TPD52L1: variants seen among roughly 807,000 people sequenced by gnomAD.
TPD52L1 encodes tumor protein D53.
A neutral mutation model predicts 28.7 loss-of-function variants in TPD52L1; 18 were observed. That is an observed-to-expected ratio of 0.63 (90% confidence interval 0.43 to 0.93). The LOEUF is 0.93. Ranked by LOEUF, TPD52L1 falls within the 40% of genes least tolerant of loss-of-function variation. TPD52L1 has a pLI of 0.00. For synonymous variants in TPD52L1, 75 were observed against 88.8 expected, an observed-to-expected ratio of 0.84 and a Z score of 0.88; for missense variants, 203 against 254.8, an observed-to-expected ratio of 0.80 and a Z score of 1.39.
chr6:125,251,220 C>A (rs892910036), intron 4 of TPD52L1, among the ~76,000 whole-genome samples: 1 of 152,076 alleles, frequency 6.6e-6, no homozygotes, highest in Non-Finnish European at 1.5e-5. Flanking sequence ...TGGTCACAGA[C>A]CTTTTATTTT....
At chr6:125,182,825 G>A (rs3778461) in intron 1 of TPD52L1, among the ~76,000 whole-genome samples, 5,718 of 152,266 alleles carry the variant, frequency 0.038, 358 homozygotes, top group East Asian at 0.33. Flanking sequence ...CAGAGGCCCA[G>A]GGAACTTAAG....
intron 1 of TPD52L1, among the ~76,000 whole-genome samples, chr6:125,181,230 G>A (rs1333455057): frequency 6.6e-6 from 1 of 152,052 alleles, no homozygotes; most frequent in Non-Finnish European, 1.5e-5. Flanking sequence ...TAAATGATTA[G>A]CATAAAGAAC....
intron 1 of TPD52L1, among the ~76,000 whole-genome samples, chr6:125,204,961 T>C (rs1794024055): frequency 6.6e-6 from 1 of 152,180 alleles, no homozygotes; most frequent in Non-Finnish European, 1.5e-5. Context: ...AAATACAGCA[T>C]AGTAAGTGCT....
At chr6:125,245,874 G>A (rs768988326) in intron 3 of TPD52L1, among the ~76,000 whole-genome samples, 7 of 152,156 alleles carry the variant, frequency 4.6e-5, no homozygotes, top group Admixed American at 1.3e-4. Context: ...TTCAGGCCTC[G>A]CCCCTACCTG....
chr6:125,172,278 CTTCCTTCT>C (rs1177768501), intron 1 of TPD52L1, among the ~76,000 whole-genome samples: 1 of 133,294 alleles, frequency 7.5e-6, no homozygotes, highest in East Asian at 2.2e-4. Flanking sequence ...TCCATCCATC[CTTCCTTCT>C]TTCTTTCTTT....
At chr6:125,262,517 G>C (rs949668260) in intron 6 of TPD52L1, 5 of 209,598 alleles carry the variant, frequency 2.4e-5, no homozygotes, top group Admixed American at 1.6e-4. Context: ...CAGTTCTCTG[G>C]GTGAGTGGAG....
intron 4 of TPD52L1, among the ~76,000 whole-genome samples, chr6:125,251,566 C>T (rs555241175): frequency 2.4e-4 from 36 of 152,100 alleles, no homozygotes; most frequent in Non-Finnish European, 4.7e-4. Flanking sequence ...TGGAATTGCC[C>T]ACTCTCTTTC....
intron 3 of TPD52L1, among the ~76,000 whole-genome samples, chr6:125,243,812 C>A (rs2115025061): frequency 6.6e-6 from 1 of 151,242 alleles, no homozygotes; most frequent in African/African-American, 2.4e-5. Flanking sequence ...GAGATTTCGT[C>A]TTGGTTTGGA....
At chr6:125,239,885 C>T (rs1582996158) in intron 3 of TPD52L1, among the ~76,000 whole-genome samples, 1 of 152,238 alleles carries the variant, frequency 6.6e-6, no homozygotes. Flanking sequence ...TGTTCTTGGT[C>T]ATGAACTCTT....
Position 125,239,434 on chromosome 6 carries a change from C to T in TPD52L1, c.285-8848C>T, listed in dbSNP as rs556832863. Reference sequence around the variant, plus strand: ...GGCAGAAGGTGGAAGGCACATCTTACATGGCAGCAGGAAAGAGAGAATGAG... The same window carrying T: ...GGCAGAAGGTGGAAGGCACATCTTATATGGCAGCAGGAAAGAGAGAATGAG... On this transcript the variant is annotated intron_variant, in intron 3 of 6. Transcript: ENST00000534000. Among the ~76,000 whole-genome samples the T allele has an allele frequency of 3.5e-4, 53 of 152,308 alleles. No homozygotes were observed. In the South Asian group the frequency reaches 0.011, roughly 30 times the overall value.
intron 3 of TPD52L1, among the ~76,000 whole-genome samples, chr6:125,243,686 T>A (rs1796754601): frequency 6.6e-6 from 1 of 152,096 alleles, no homozygotes; most frequent in Non-Finnish European, 1.5e-5. Context: ...TCTGGAAAAT[T>A]TTTTATTGAT....
chr6:125,213,587 G>A (rs1794659613), intron 1 of TPD52L1, among the ~76,000 whole-genome samples: 1 of 152,124 alleles, frequency 6.6e-6, no homozygotes, highest in Admixed American at 6.5e-5. Flanking sequence ...AGCCCCTGAT[G>A]CAGGAGCACC....
intron 1 of TPD52L1, among the ~76,000 whole-genome samples, chr6:125,165,113 A>G (rs899108594): frequency 1.6e-5 from 1 of 63,892 alleles, no homozygotes; most frequent in Non-Finnish European, 2.7e-5. Context: ...AACTGTATAT[A>G]TATAGTTTTG....
In TPD52L1 at chr6:125,259,608, A is replaced by G. The variant is rs568021764; in HGVS notation, c.486+2450A>G. On this transcript the variant is annotated intron_variant, in intron 6 of 6. Transcript: ENST00000534000. ...TGCCATCTCCCAATGAGTCATGAGT[A>G]ACTACATCTCTTCCAACCATTTTGC... Among the ~76,000 whole-genome samples the G allele has an allele frequency of 7.2e-5, 11 of 152,332 alleles. No individual in the cohort carries two copies. The South Asian group carries it at 8.3e-4, about 11-fold the overall frequency.
chr6:125,261,028 GAAA>G (rs1562412326), intron 6 of TPD52L1: 1 of 108,646 alleles, frequency 9.2e-6, no homozygotes. Flanking sequence ...GAAAAGAAAA[GAAA>G]GAAAGAAAGA....
intron 5 of TPD52L1, among the ~76,000 whole-genome samples, chr6:125,255,374 A>G (rs1416089603): frequency 6.6e-6 from 1 of 152,254 alleles, no homozygotes; most frequent in Admixed American, 6.5e-5. Flanking sequence ...TGAAGTGCCA[A>G]TAACTATATA....
At position 125,223,463 on chromosome 6, in the gene TPD52L1, C is replaced by T. The variant is rs563981550; in HGVS notation, c.135+3270C>T. Among the ~76,000 whole-genome samples, 217 of 152,238 alleles carry T rather than the reference C, an allele frequency of 1.4e-3. 1 individual carries two copies. The highest frequency in any genetic ancestry group is 5.1e-3 in the African/African-American group (210 of 41,562). On this transcript the variant is annotated intron_variant, in intron 2 of 6. Transcript: ENST00000534000. ...GTGGCTCACGCCTGTAATCCCAGCACTTTGGGAGGCCGAGGTGGGGGGATC... is the reference window on the plus strand; with the variant it reads ...GTGGCTCACGCCTGTAATCCCAGCATTTTGGGAGGCCGAGGTGGGGGGATC...
chr6:125,159,617 C>T (rs1281539854), intron 1 of TPD52L1, among the ~76,000 whole-genome samples: 1 of 152,120 alleles, frequency 6.6e-6, no homozygotes, highest in Non-Finnish European at 1.5e-5. Context: ...ATGGTGAATC[C>T]TTTCCAGAAT....
At chr6:125,181,766 C>T (rs1049317572) in intron 1 of TPD52L1, among the ~76,000 whole-genome samples, 2 of 152,140 alleles carry the variant, frequency 1.3e-5, no homozygotes, top group Non-Finnish European at 2.9e-5. Flanking sequence ...TTTACATTGG[C>T]GTGGTGCAAG....
Sources: allele counts gnomAD v4.1 joint callset (sites outside exome capture counted in the v4.1 genomes callset), GRCh38; gene constraint gnomAD v4.1.1; transcripts MANE v1.5; gene names NCBI Gene and HGNC (gene_info 2026-07-23, HGNC 2026-07-21).